Variants in COL16A1 observed in about 807,000 individuals in gnomAD.
COL16A1 encodes the protein collagen type XVI alpha 1 chain.
Under a neutral mutation model 266.3 loss-of-function variants are expected in COL16A1, and 189 were observed. The ratio of observed to expected loss-of-function variants is 0.71; its 90% CI spans 0.63 to 0.80. COL16A1 has a LOEUF of 0.80. Among genes scored for constraint, COL16A1 ranks in the 30% least tolerant of loss-of-function variants. The pLI is 0.00. For synonymous variants in COL16A1, 740 were observed against 782.3 expected (o/e 0.95, Z 0.90); for missense variants, 1,928 against 2,122.4 (o/e 0.91, Z 1.80).
At position 31,661,110 on chromosome 1, in the gene COL16A1, C is replaced by T; in HGVS notation, c.3781G>A (p.Gly1261Ser). Residue 1261 changes from glycine to serine, a missense_variant, in exon 61 of 71, where the codon GGC (glycine) becomes AGC (serine). Gly to Ser is a moderately conservative substitution (Grantham distance 56). Transcript: ENST00000373672. ...PGLPGPKGDC[G>S]KPGPPGSTGR... The stretch of plus-strand genomic sequence containing the variant: ...GTGCTGCCAGGGGGACCTGGTTTGC[C>T]ACAGTCACCCTAGAAGAGAGAGGAG... 4 of 1,564,248 alleles carry T rather than the reference C, an allele frequency of 2.6e-6. No homozygotes were observed. Among genetic ancestry groups the T allele is most frequent in the Non-Finnish European group, 3.5e-6 (4 of 1,153,306 alleles).
intron 52 of COL16A1, among the ~76,000 whole-genome samples, chr1:31,666,862 G>A (rs1012481053): frequency 1.3e-5 from 2 of 152,162 alleles, no homozygotes; most frequent in South Asian, 2.1e-4. Context: ...AGTCCTCATC[G>A]TTCCTAGGCA....
intron 23 of COL16A1, 116 bp from the exon 24 acceptor site, chr1:31,689,201 G>T (rs1048073836): frequency 2.8e-5 from 43 of 1,516,692 alleles, no homozygotes; most frequent in Non-Finnish European, 3.6e-5. Context: ...ACACCTAGGG[G>T]TCCCATGGGG....
intron 8 of COL16A1, among the ~76,000 whole-genome samples, 182 bp from the exon 9 acceptor site, chr1:31,696,323 T>TCCCCCCCCCCCCCCCCCCCCCCCCCCTCC (rs796574625): frequency 7.3e-6 from 1 of 136,532 alleles, no homozygotes; most frequent in Admixed American, 7.7e-5. Flanking sequence ...TCCCCCTCCT[T>TCCCCCCCCCCCCCCCCCCCCCCCCCCTCC]CCCCCCCCAC....
chr1:31,687,381 C>CAA (rs60096709), intron 26 of COL16A1, among the ~76,000 whole-genome samples: 1,413 of 59,654 alleles, frequency 0.024, 34 homozygotes, highest in African/African-American at 0.072. Context: ...GACTCAGTCT[C>CAA]AAAAAAAAAA....
chr1:31,685,552 G>A lies in COL16A1; in HGVS notation c.2016+87C>T. On this transcript the variant is annotated intron_variant, in intron 29 of 70. Coordinates refer to ENST00000373672, the MANE Select transcript of COL16A1 (RefSeq NM_001856.4). This position sits in a 1 kb window ranked among gnomAD's most constrained non-coding sequence, Gnocchi z 4.0. ...CCCACTACCCCCAACTGCCCAGGGA[G>A]TCAAGAGACCCAGGCAGGACCCCTC... The A allele has an allele frequency of 6.8e-7, 1 of 1,479,564 alleles. No homozygotes were observed. The highest frequency in any genetic ancestry group is 9.2e-7 in the Non-Finnish European group (1 of 1,091,098). 91.7% of individuals were successfully genotyped at this position (1,479,564 alleles called of 1,614,324 possible). A position where few individuals can be genotyped will look rare whatever the true frequency, so the allele number is the denominator to read the frequency against.
At position 31,697,106 on chromosome 1, in the gene COL16A1, G is replaced by A. The variant is rs369484209; in HGVS notation, c.739-18C>T. On this transcript the variant is annotated intron_variant, in intron 7 of 70. Coordinates refer to ENST00000373672, the MANE Select transcript of COL16A1 (RefSeq NM_001856.4). This position sits in a 1 kb window ranked among gnomAD's most constrained non-coding sequence, Gnocchi z 4.2. Reference sequence around the variant, plus strand: ...GGGGGGCACTGTTTGGTGGAAGAGCGGGGCTAGGGTCAGTACAGGAGCAGA... The same window carrying A: ...GGGGGGCACTGTTTGGTGGAAGAGCAGGGCTAGGGTCAGTACAGGAGCAGA... 23 of 1,613,902 alleles carry A rather than the reference G, an allele frequency of 1.4e-5. No homozygotes were observed. In the East Asian group the frequency reaches 2.0e-4, roughly 14 times the overall value.
Position 31,690,247 on chromosome 1 carries a change from G to T in COL16A1, c.1509+120C>A, listed in dbSNP as rs190841001. On this transcript the variant is annotated intron_variant, in intron 22 of 70. Coordinates refer to ENST00000373672, the MANE Select transcript of COL16A1 (RefSeq NM_001856.4). ...CACATGGACATCAGAGGAAGAACGG[G>T]TGGGGGTCCCCTGAGGAAGGTCCAG... 3.1e-5 allele frequency: 46 copies of T among 1,469,128 alleles called. No individual in the cohort carries two copies. The African/African-American group carries it at 5.3e-4, about 17-fold the overall frequency. The allele number at this position is 1,469,128 out of a possible 1,614,324, so 91.0% of individuals were successfully genotyped here.
intron 67 of COL16A1, 110 bp from the exon 68 acceptor site, chr1:31,654,968 ATTCTTT>A (rs1275099779): frequency 5.0e-5 from 22 of 435,956 alleles, no homozygotes; most frequent in Non-Finnish European, 7.1e-5. Context: ...CCTCCCACAG[ATTCTTT>A]TTTTTTTTTT....
In COL16A1 at chr1:31,699,938, G is replaced by A. The variant is rs769916379; in HGVS notation, c.149-8C>T. ...GGTGGATGAGGTTGAAGCCTTTGGGGGAGACATCAGGTGAAGAGCTCAGCT... is the reference window on the plus strand; with the variant it reads ...GGTGGATGAGGTTGAAGCCTTTGGGAGAGACATCAGGTGAAGAGCTCAGCT... On this transcript the variant is annotated splice_region_variant and splice_polypyrimidine_tract_variant and intron_variant, in intron 3 of 70. Coordinates refer to ENST00000373672, the MANE Select transcript of COL16A1 (RefSeq NM_001856.4). 6.2e-7 allele frequency: 1 copy of A among 1,606,626 alleles called. No homozygotes were observed. Among genetic ancestry groups the A allele is most frequent in the Non-Finnish European group, 8.5e-7 (1 of 1,173,064 alleles).
chr1:31,664,631 G>A lies in COL16A1; in HGVS notation c.3555+541C>T, dbSNP rs757401551. 6.6e-6 allele frequency among the ~76,000 whole-genome samples: 1 copy of A among 152,168 alleles called. No individual in the cohort carries two copies. The highest frequency in any genetic ancestry group is 2.1e-4 in the South Asian group (1 of 4,826). On this transcript the variant is annotated intron_variant, in intron 56 of 70. Coordinates refer to ENST00000373672, the MANE Select transcript of COL16A1 (RefSeq NM_001856.4). The surrounding 1 kb of genome is among the most constrained non-coding windows in gnomAD (Gnocchi z 5.5). ...AAAGTCAAGAGCAGCCAGCATAGGA[G>A]CTCCGCCAACTGCTGCTCCCCCAAC...
intron 42 of COL16A1, among the ~76,000 whole-genome samples, chr1:31,676,324 CA>C (rs11449957): frequency 0.55 from 54,796 of 100,206 alleles, 11,673 homozygotes; most frequent in South Asian, 0.62. Flanking sequence ...GACTCCGTCT[CA>C]AAAAAAAAAA....
chr1:31,689,912 G>A, intron 22 of COL16A1, 61 bp from the exon 23 acceptor site: 1 of 1,472,648 alleles, frequency 6.8e-7, no homozygotes, highest in Non-Finnish European at 9.5e-7. Context: ...GGAAGGCAAG[G>A]GGCCTCTTGC....
intron 9 of COL16A1, 97 bp from the exon 10 acceptor site, chr1:31,695,884 C>T (rs1414010199): frequency 4.2e-6 from 5 of 1,188,536 alleles, no homozygotes; most frequent in Middle Eastern, 3.9e-4. Flanking sequence ...GGAGTGGGCA[C>T]TCTAGAGAGT....
chr1:31,692,538 G>T (rs757273642), intron 15 of COL16A1, 29 bp from the exon 16 acceptor site: 1 of 1,614,042 alleles, frequency 6.2e-7, no homozygotes, highest in South Asian at 1.1e-5. Context: ...ACAGAGGAAG[G>T]GAGGGTAAGG....
rs1340060615 is a variant in COL16A1 at position 31,698,726 on chromosome 1, T to A, written c.267-120A>T. ...ATCCACAGGCACACATCTTCCATCATATACATTCATTCACTCTCCATACCT... is the reference window on the plus strand; with the variant it reads ...ATCCACAGGCACACATCTTCCATCAAATACATTCATTCACTCTCCATACCT... On this transcript the variant is annotated intron_variant, in intron 4 of 70. Coordinates refer to ENST00000373672, the MANE Select transcript of COL16A1 (RefSeq NM_001856.4). The surrounding 1 kb of genome is among the most constrained non-coding windows in gnomAD (Gnocchi z 4.1). 2.7e-6 allele frequency: 4 copies of A among 1,465,078 alleles called. No individual in the cohort carries two copies. Among genetic ancestry groups the A allele is most frequent in the Non-Finnish European group, 3.6e-6 (4 of 1,096,736 alleles). The allele number at this position is 1,465,078 out of a possible 1,614,324, so 90.8% of individuals were successfully genotyped here. A position where few individuals can be genotyped will look rare whatever the true frequency, so the allele number is the denominator to read the frequency against.
intron 14 of COL16A1, 43 bp from the exon 15 acceptor site, chr1:31,692,685 T>A: frequency 3.1e-6 from 5 of 1,613,776 alleles, no homozygotes; most frequent in Non-Finnish European, 4.2e-6. Context: ...GAGGGTCACC[T>A]GATGGGCTGC....
At chr1:31,655,083 C>T (rs1641001688) in intron 67 of COL16A1, among the ~76,000 whole-genome samples, 1 of 145,614 alleles carries the variant, frequency 6.9e-6, no homozygotes. Context: ...GATTCTCAAT[C>T]CAAAGTCCTA....
At position 31,658,506 on chromosome 1, in the gene COL16A1, A is replaced by T; in HGVS notation, c.4002T>A (p.Pro1334=). ...LAGLPGQPGP[P]GHPGPPGEPG... ...ATCTTACTGGGGGGCCAGGGTGTCC[A>T]GGGGGGCCGGGCTGGCCTGGGAGGC... Residue 1334 remains proline, a synonymous_variant, in exon 64 of 71, where the codon CCT becomes CCA. Coordinates refer to ENST00000373672, the MANE Select transcript of COL16A1 (RefSeq NM_001856.4). The T allele has an allele frequency of 6.2e-7, 1 of 1,603,864 alleles. No homozygotes were observed. Among genetic ancestry groups the T allele is most frequent in the Non-Finnish European group, 8.5e-7 (1 of 1,176,212 alleles).
At chr1:31,683,152 T>C (rs756886766) in intron 36 of COL16A1, 42 bp downstream of exon 36, 1 of 1,613,802 alleles carries the variant, frequency 6.2e-7, no homozygotes. Flanking sequence ...TGGGACACTC[T>C]GGAATACTGC....
Sources: gnomAD v4.1 joint callset for allele counts (sites outside exome capture counted in the v4.1 genomes callset) on GRCh38, gnomAD v4.1.1 for gene constraint, Gnocchi (gnomAD v3.1) non-coding constraint, MANE v1.5 for transcripts, NCBI Gene and HGNC (gene_info 2026-07-23, HGNC 2026-07-21) for gene names.